Variants in DTNA observed in about 807,000 individuals in gnomAD.
DTNA encodes the protein dystrophin-related protein 3.
A neutral mutation model predicts 100.7 loss-of-function variants in DTNA; 43 were observed. The observed-to-expected ratio is 0.43, with a 90% CI of 0.33 to 0.55. The LOEUF (loss-of-function observed/expected upper bound fraction) is 0.55, where lower values mean the gene tolerates loss of function less well. Among genes scored for constraint, DTNA ranks in the 20% least tolerant of loss-of-function variants. The probability of loss-of-function intolerance (pLI) is 0.04; values close to 1 mark genes in which losing one functional copy is unlikely to be tolerated. For synonymous variants in DTNA, 349 were observed against 347.9 expected (o/e 1.00, Z -0.04); for missense variants, 798 against 953.9 (o/e 0.84, Z 2.15).
rs185459756 is a variant in DTNA at position 34,562,391 on chromosome 18, G to A, written c.-2+68877G>A. Among the ~76,000 whole-genome samples, 124 of 152,234 alleles carry A rather than the reference G, an allele frequency of 8.1e-4. 1 individual carries two copies. Among genetic ancestry groups the A allele is most frequent in the African/African-American group, 1.3e-3 (52 of 41,536 alleles). On this transcript the variant is annotated intron_variant, in intron 1 of 19. Coordinates refer to the DTNA transcript ENST00000283365. The stretch of plus-strand genomic sequence containing the variant: ...ATTTGAGTATGAACTATAGTTCTGC[G>A]CAACCTTAAACTAAGAAAAGGTTGG...
intron 2 of DTNA, among the ~76,000 whole-genome samples, chr18:34,761,521 G>A (rs2148384217): frequency 6.6e-6 from 1 of 152,198 alleles, no homozygotes; most frequent in African/African-American, 2.4e-5. Flanking sequence ...AGAGAGGGAA[G>A]TAGGGACAGA....
intron 1 of DTNA, among the ~76,000 whole-genome samples, chr18:34,627,952 ATTG>A (rs1011227029): frequency 6.6e-5 from 10 of 151,552 alleles, no homozygotes; most frequent in South Asian, 2.1e-4. Context: ...TTGTTTGTTT[ATTG>A]TTGTTGTTGT....
rs557690398 is a variant in DTNA at position 34,849,886 on chromosome 18, C to G, written c.1434+1503C>G. Among the ~76,000 whole-genome samples the G allele has an allele frequency of 6.6e-5, 10 of 152,316 alleles. No individual in the cohort carries two copies. In the South Asian group the frequency reaches 1.9e-3, roughly 28 times the overall value. ...CCGTCACTTGAGTTACTTCCCTGCC[C>G]CTTTCAGCATTTGCATTAGTGATCC... is the stretch of plus-strand genomic sequence containing the variant. On this transcript the variant is annotated intron_variant, in intron 14 of 22. Transcript: ENST00000444659.
Position 34,891,729 on chromosome 18 carries a change from C to T in DTNA, c.*3995C>T, listed in dbSNP as rs969539948. ...TGTTTGTATCACACACTGTTCTTAACACTTTATGTGACTTCACTCAATTCT... is the reference window on the plus strand; with the variant it reads ...TGTTTGTATCACACACTGTTCTTAATACTTTATGTGACTTCACTCAATTCT... On this transcript the variant is annotated 3_prime_UTR_variant, in exon 23 of 23. Coordinates refer to ENST00000444659, the MANE Select transcript of DTNA (RefSeq NM_001386795.1). 2 of 152,246 alleles carry T rather than the reference C, an allele frequency of 1.3e-5. No homozygotes were observed. Among genetic ancestry groups the T allele is most frequent in the African/African-American group, 4.8e-5 (2 of 41,462 alleles). The allele number at this position is 152,246 out of a possible 1,614,324, so 9.4% of individuals were successfully genotyped here. A position where few individuals can be genotyped will look rare whatever the true frequency, so the allele number is the denominator to read the frequency against.
intron 1 of DTNA, among the ~76,000 whole-genome samples, chr18:34,523,854 C>T (rs2042366687): frequency 6.6e-6 from 1 of 152,100 alleles, no homozygotes; most frequent in Non-Finnish European, 1.5e-5. Flanking sequence ...ATCTTGCTTT[C>T]TATTTTTGAT....
intron 1 of DTNA, among the ~76,000 whole-genome samples, chr18:34,717,647 T>G (rs538305673): frequency 6.6e-6 from 1 of 152,296 alleles, no homozygotes; most frequent in East Asian, 1.9e-4. Flanking sequence ...AGTGCAGAGT[T>G]CCTTGATTCA....
rs972510725 is a variant in DTNA, at chr18:34,860,227, T to A, written c.1646+1829T>A. ...ACGCCCGGCTAATTTTTTGTTTTTT[T>A]TTTTTTTTTTTTTTTTTTTTTTGGA... is the stretch of plus-strand genomic sequence containing the variant. On this transcript the variant is annotated intron_variant, in intron 16 of 22. Transcript: ENST00000444659. 9.9e-5 allele frequency among the ~76,000 whole-genome samples: 13 copies of A among 130,782 alleles called. 1 individual carries two copies. The South Asian group carries it at 2.8e-3, about 29-fold the overall frequency. The allele number at this position is 130,782 out of a possible 152,430, so 85.8% of individuals were successfully genotyped here. A position where few individuals can be genotyped will look rare whatever the true frequency, so the allele number is the denominator to read the frequency against.
chr18:34,507,916 G>GTTTA (rs1248385256), intron 1 of DTNA, among the ~76,000 whole-genome samples: 10 of 152,138 alleles, frequency 6.6e-5, no homozygotes, highest in African/African-American at 2.4e-4. Flanking sequence ...ATCCTTGACT[G>GTTTA]GGTTTTTGGA....
At chr18:34,773,026 C>T (rs147655761) in intron 3 of DTNA, among the ~76,000 whole-genome samples, 2 of 152,316 alleles carry the variant, frequency 1.3e-5, no homozygotes, top group African/African-American at 4.8e-5. Flanking sequence ...CCCCTGTGGG[C>T]TGCTCAGGGC....
chr18:34,613,427 A>T (rs1470492621), intron 1 of DTNA, among the ~76,000 whole-genome samples: 3 of 152,232 alleles, frequency 2.0e-5, no homozygotes, highest in Admixed American at 2.0e-4. Flanking sequence ...GTTAAGAAAC[A>T]CATGTTGAAA....
At chr18:34,822,788 C>A (rs1275623203) in intron 9 of DTNA, among the ~76,000 whole-genome samples, 1 of 152,162 alleles carries the variant, frequency 6.6e-6, no homozygotes, top group East Asian at 1.9e-4. Flanking sequence ...TATAGCCTCA[C>A]AATGCGTTCT....
Position 34,520,418 on chromosome 18 carries a change from G to A in DTNA, c.-2+26904G>A, listed in dbSNP as rs371893064. Among the ~76,000 whole-genome samples the A allele has an allele frequency of 6.6e-5, 10 of 152,210 alleles. No homozygotes were observed. The East Asian group carries it at 1.4e-3, about 21-fold the overall frequency. On this transcript the variant is annotated intron_variant, in intron 1 of 19. Coordinates refer to the DTNA transcript ENST00000283365. ...TATAATCCCAGCGCTTTGAGAGGCC[G>A]AGGTGGGTGGATCACCTGAGGTCAG...
At chr18:34,720,933 G>A (rs1214154759) in intron 1 of DTNA, among the ~76,000 whole-genome samples, 1 of 152,154 alleles carries the variant, frequency 6.6e-6, no homozygotes, top group African/African-American at 2.4e-5. Flanking sequence ...AATAATCTCT[G>A]CAAATGTTAT....
intron 1 of DTNA, among the ~76,000 whole-genome samples, chr18:34,532,334 G>A (rs1428121424): frequency 6.6e-6 from 1 of 152,056 alleles, no homozygotes; most frequent in Non-Finnish European, 1.5e-5. Flanking sequence ...AAGTAAATGA[G>A]CAAATAAGTT....
chr18:34,867,374 T>A, intron 17 of DTNA: 1 of 1,229,446 alleles, frequency 8.1e-7, no homozygotes, highest in Non-Finnish European at 1.0e-6. Flanking sequence ...TTTACTAAAT[T>A]AAAGTCAAAT....
intron 1 of DTNA, among the ~76,000 whole-genome samples, chr18:34,603,861 A>AGTTTT (rs1325946953): frequency 1.3e-5 from 2 of 152,150 alleles, no homozygotes; most frequent in Admixed American, 6.6e-5. Flanking sequence ...TTTTCTTGGT[A>AGTTTT]GTTTTTCTTG....
intron 1 of DTNA, among the ~76,000 whole-genome samples, chr18:34,528,663 A>C (rs768599959): frequency 1.3e-5 from 2 of 152,114 alleles, no homozygotes; most frequent in Non-Finnish European, 2.9e-5. Context: ...TCTGGGGTAC[A>C]GGGCCTGCTA....
chr18:34,655,535 A>G (rs2074249989), intron 1 of DTNA, among the ~76,000 whole-genome samples: 1 of 152,202 alleles, frequency 6.6e-6, no homozygotes, highest in Admixed American at 6.5e-5. Context: ...AGATAAGCAG[A>G]CTATTGTGCA....
intron 1 of DTNA, among the ~76,000 whole-genome samples, chr18:34,668,111 C>T (rs2076206908): frequency 1.3e-5 from 2 of 152,034 alleles, no homozygotes; most frequent in African/African-American, 2.4e-5. Context: ...GAGCCTGTTA[C>T]TGGTCTATTC....
Sources: allele counts gnomAD v4.1 joint callset (sites outside exome capture counted in the v4.1 genomes callset), GRCh38; gene constraint gnomAD v4.1.1; transcripts MANE v1.5; gene names NCBI Gene and HGNC (gene_info 2026-07-23, HGNC 2026-07-21).